Variants in DIS3L2 observed in about 807,000 individuals in gnomAD.
The protein encoded by DIS3L2 is DIS3 like 3'-5' exoribonuclease 2, also known as DIS3-like exonuclease 2.
In DIS3L2, 34 loss-of-function variants were observed where a neutral mutation model predicts 97.5. That is an observed-to-expected ratio of 0.35 (90% CI 0.27 to 0.46). The LOEUF (loss-of-function observed/expected upper bound fraction) is 0.46. Among genes scored for constraint, DIS3L2 ranks in the 20% least tolerant of loss-of-function variants. DIS3L2 has a pLI of 1.00. For missense variants in DIS3L2, 1,038 were observed against 1,146.0 expected (o/e 0.91, Z 1.36); for synonymous variants, 435 against 445.2 (o/e 0.98, Z 0.29).
At chr2:232,104,047 T>TA (rs1697287062) in intron 6 of DIS3L2, among the ~76,000 whole-genome samples, 1 of 152,162 alleles carries the variant, frequency 6.6e-6, no homozygotes, top group Non-Finnish European at 1.5e-5. Flanking sequence ...GTTTAATTTT[T>TA]AATGGAAATA....
rs558139626 is a variant in DIS3L2 at position 231,962,539 on chromosome 2, A to G, written c.-94+774A>G. 6.8e-5 allele frequency among the ~76,000 whole-genome samples: 10 copies of G among 147,518 alleles called. No individual in the cohort carries two copies. The East Asian group carries it at 2.0e-3, about 30-fold the overall frequency. The stretch of plus-strand genomic sequence containing the variant: ...AAGCTCCGCCTCCTGGGTTCATGCC[A>G]TTCTTCTGCCTCAGCCTCCCGAGTA... On this transcript the variant is annotated intron_variant, in intron 1 of 20. Transcript: ENST00000325385.
intron 11 of DIS3L2, among the ~76,000 whole-genome samples, chr2:232,246,900 A>G (rs1218508779): frequency 1.3e-5 from 2 of 152,300 alleles, no homozygotes; most frequent in Non-Finnish European, 2.9e-5. Context: ...AAGCTCATTT[A>G]TTTTGGAAAT....
At chr2:231,984,915 C>G (rs944338307) in intron 1 of DIS3L2, among the ~76,000 whole-genome samples, 10 of 152,168 alleles carry the variant, frequency 6.6e-5, no homozygotes, top group Non-Finnish European at 1.0e-4. Flanking sequence ...GCCACTGTGC[C>G]CGGCAAATTA....
intron 6 of DIS3L2, among the ~76,000 whole-genome samples, chr2:232,129,579 G>A (rs1056840031): frequency 6.6e-6 from 1 of 152,206 alleles, no homozygotes; most frequent in Non-Finnish European, 1.5e-5. Flanking sequence ...GTAGATTTCA[G>A]CATAGATGGA....
intron 13 of DIS3L2, among the ~76,000 whole-genome samples, chr2:232,287,181 C>T (rs1694456109): frequency 6.6e-6 from 1 of 152,120 alleles, no homozygotes; most frequent in African/African-American, 2.4e-5. Context: ...AGAGGGAAAA[C>T]AAGTTTCTGC....
chr2:232,047,360 T>C (rs968373617), intron 5 of DIS3L2, among the ~76,000 whole-genome samples: 1 of 152,160 alleles, frequency 6.6e-6, no homozygotes, highest in Admixed American at 6.5e-5. Context: ...AAGAGGAAAA[T>C]GTAAAGAAAA....
chr2:232,116,510 T>C (rs1161341852), intron 6 of DIS3L2, among the ~76,000 whole-genome samples: 1 of 152,212 alleles, frequency 6.6e-6, no homozygotes, highest in Non-Finnish European at 1.5e-5. Flanking sequence ...TCTAAATAAT[T>C]CCCGTTCTCC....
chr2:232,007,491 G>T (rs1299059787), intron 1 of DIS3L2, among the ~76,000 whole-genome samples: 1 of 152,080 alleles, frequency 6.6e-6, no homozygotes, highest in Non-Finnish European at 1.5e-5. Flanking sequence ...GTGCACCCCT[G>T]TGCCTGGCTA....
In DIS3L2 at chr2:232,198,119, G is replaced by T. The variant is rs1023169822; in HGVS notation, c.1125-12207G>T. On this transcript the variant is annotated intron_variant, in intron 9 of 20. Transcript: ENST00000325385. Reference sequence around the variant, plus strand: ...CAGTTCTGTGACCTTGGGCTTCTTTGACCTTGAGCAAGTTACTTAATCCGT... The same window carrying T: ...CAGTTCTGTGACCTTGGGCTTCTTTTACCTTGAGCAAGTTACTTAATCCGT... Among the ~76,000 whole-genome samples, 3 of 152,100 alleles carry T rather than the reference G, an allele frequency of 2.0e-5. No individual in the cohort carries two copies. In the East Asian group the frequency reaches 5.8e-4, roughly 29 times the overall value.
At chr2:232,090,742 G>A (rs553654148) in intron 6 of DIS3L2, among the ~76,000 whole-genome samples, 1 of 152,302 alleles carries the variant, frequency 6.6e-6, no homozygotes, top group South Asian at 2.1e-4. Context: ...GTTCATGCTT[G>A]TGTTCAAAAG....
chr2:232,049,398 G>A lies in DIS3L2; in HGVS notation c.366+19318G>A, dbSNP rs542506806. Among the ~76,000 whole-genome samples, 4 of 152,254 alleles carry A rather than the reference G, an allele frequency of 2.6e-5. No individual in the cohort carries two copies. The East Asian group carries it at 7.7e-4, about 29-fold the overall frequency. ...CATAATCTCAAATGCACCAGCGTTG[G>A]GAGATGTGGGGTCTTTTGGGAGGTG... is the stretch of plus-strand genomic sequence containing the variant. On this transcript the variant is annotated intron_variant, in intron 5 of 20. Coordinates refer to ENST00000325385, the MANE Select transcript of DIS3L2 (RefSeq NM_152383.5).
intron 1 of DIS3L2, among the ~76,000 whole-genome samples, chr2:231,969,951 A>AT (rs995675948): frequency 4.0e-4 from 56 of 140,542 alleles, no homozygotes; most frequent in South Asian, 6.8e-4. Flanking sequence ...TGATCATATG[A>AT]TTTTTTTTTT....
chr2:232,087,949 A>G, intron 6 of DIS3L2: 1 of 509,530 alleles, frequency 2.0e-6, no homozygotes, highest in East Asian at 3.2e-5. Context: ...CAGTTGCCAC[A>G]TTCCTAATAG....
intron 8 of DIS3L2, among the ~76,000 whole-genome samples, chr2:232,162,750 G>T (rs753426290): frequency 6.6e-6 from 1 of 152,182 alleles, no homozygotes; most frequent in Non-Finnish European, 1.5e-5. Context: ...CACAAATTTA[G>T]ACTTGTGATC....
rs945760784 is a variant in DIS3L2 at position 232,037,153 on chromosome 2, G to A, written c.366+7073G>A. Among the ~76,000 whole-genome samples the A allele has an allele frequency of 6.6e-6, 1 of 152,198 alleles. No individual in the cohort carries two copies. The highest frequency in any genetic ancestry group is 1.5e-5 in the Non-Finnish European group (1 of 68,032). ...GCACCCACATCCGCCCCTTCCCCCA[G>A]GTGCTCTGTCCCAGGGAGATGGGAG... On this transcript the variant is annotated intron_variant, in intron 5 of 20. Transcript: ENST00000325385. This position sits in a 1 kb window ranked among gnomAD's most constrained non-coding sequence, Gnocchi z 4.6.
intron 6 of DIS3L2, chr2:232,111,281 G>A (rs1167960811): frequency 2.1e-6 from 1 of 471,194 alleles, no homozygotes; most frequent in African/African-American, 2.0e-5. Context: ...AAAAATACTT[G>A]TACCTCTATT....
chr2:232,340,451 A>T (rs1696079572), downstream of DIS3L2, among the ~76,000 whole-genome samples: 1 of 152,170 alleles, frequency 6.6e-6, no homozygotes, highest in Admixed American at 6.5e-5. Context: ...TGCAGAGGCC[A>T]GCACCTGTCC....
At chr2:232,156,670 T>C (rs1161223041) in intron 8 of DIS3L2, among the ~76,000 whole-genome samples, 1 of 152,202 alleles carries the variant, frequency 6.6e-6, no homozygotes, top group East Asian at 1.9e-4. Flanking sequence ...ATCATTTAGG[T>C]CCGTATTGTA....
At chr2:232,140,328 T>A (rs1442540743) in intron 8 of DIS3L2, among the ~76,000 whole-genome samples, 3 of 152,196 alleles carry the variant, frequency 2.0e-5, no homozygotes, top group Admixed American at 2.0e-4. Flanking sequence ...TTGTTTGTTT[T>A]ACTTGGCCAT....
Sources: allele counts gnomAD v4.1 joint callset (sites outside exome capture counted in the v4.1 genomes callset), GRCh38; gene constraint gnomAD v4.1.1; non-coding constraint Gnocchi (gnomAD v3.1); transcripts MANE v1.5; gene names NCBI Gene and HGNC (gene_info 2026-07-23, HGNC 2026-07-21).